Variants in GALNT13 observed in about 807,000 individuals in gnomAD.
GALNT13 encodes the protein polypeptide N-acetylgalactosaminyltransferase 13, also known as UDP-GalNAc:polypeptide N-acetylgalactosaminyltransferase 13.
GALNT13 carries 28 observed loss-of-function variants against 64.2 expected under a neutral mutation model. That is an observed-to-expected ratio of 0.44 (90% CI 0.32 to 0.60). GALNT13 has a LOEUF of 0.60. Ranked by LOEUF, GALNT13 falls within the 20% of genes least tolerant of loss-of-function variation. The pLI, the probability that GALNT13 is intolerant of heterozygous loss-of-function variation, is 0.05. For missense variants in GALNT13, 577 were observed against 669.8 expected (o/e 0.86, Z 1.53); for synonymous variants, 214 against 224.6 (o/e 0.95, Z 0.42).
chr2:154,214,900 C>T (rs1687963706), intron 4 of GALNT13, among the ~76,000 whole-genome samples: 1 of 152,078 alleles, frequency 6.6e-6, no homozygotes, highest in Non-Finnish European at 1.5e-5. Context: ...AGTCTGTTTC[C>T]CTAGCACAAT....
At chr2:154,424,997 T>TGCA (rs1331785032) in intron 11 of GALNT13, among the ~76,000 whole-genome samples, 1 of 152,214 alleles carries the variant, frequency 6.6e-6, no homozygotes, top group East Asian at 1.9e-4. Context: ...AGCATTGTGG[T>TGCA]AATAATTCCA....
the GALNT13 span, among the ~76,000 whole-genome samples, chr2:153,718,523 G>A: frequency 4.0e-5 from 6 of 151,894 alleles, no homozygotes; most frequent in African/African-American, 1.5e-4. Context: ...TCCCTATTCT[G>A]GAGTTTGAGG....
the GALNT13 span, among the ~76,000 whole-genome samples, chr2:153,575,059 C>T: frequency 6.6e-6 from 1 of 152,132 alleles, no homozygotes; most frequent in African/African-American, 2.4e-5. Context: ...GTGAACTAAG[C>T]TGTTTGTGCT....
the GALNT13 span, among the ~76,000 whole-genome samples, chr2:153,727,037 G>T: frequency 6.6e-6 from 1 of 151,254 alleles, no homozygotes; most frequent in African/African-American, 2.4e-5. Flanking sequence ...GGTCCAAACT[G>T]CTGATCTGAA....
At chr2:153,549,914 C>G in the GALNT13 span, among the ~76,000 whole-genome samples, 1 of 152,122 alleles carries the variant, frequency 6.6e-6, no homozygotes, top group Admixed American at 6.5e-5. Context: ...CATTTCCATC[C>G]TTGGTTTTTT....
intron 4 of GALNT13, among the ~76,000 whole-genome samples, chr2:154,150,912 T>C (rs1182597374): frequency 6.6e-6 from 1 of 152,166 alleles, no homozygotes; most frequent in Non-Finnish European, 1.5e-5. Context: ...TGAAGGGTTT[T>C]TTGTGTCTCT....
At chr2:153,503,933 T>C in the GALNT13 span, among the ~76,000 whole-genome samples, 3 of 152,116 alleles carry the variant, frequency 2.0e-5, no homozygotes, top group African/African-American at 4.8e-5. Flanking sequence ...AATGGTGGTA[T>C]ATTGATGGGA....
At chr2:153,676,911 C>T in the GALNT13 span, among the ~76,000 whole-genome samples, 3 of 152,012 alleles carry the variant, frequency 2.0e-5, no homozygotes, top group Non-Finnish European at 4.4e-5. Flanking sequence ...GAAAAAAACA[C>T]AGCTATAATC....
At chr2:153,535,131 T>C in the GALNT13 span, among the ~76,000 whole-genome samples, 3 of 151,178 alleles carry the variant, frequency 2.0e-5, no homozygotes, top group African/African-American at 4.9e-5. Context: ...TGAAGGGAGG[T>C]CTTGTGGTAA....
chr2:153,212,134 A>G, the GALNT13 span, among the ~76,000 whole-genome samples: 1 of 152,126 alleles, frequency 6.6e-6, no homozygotes, highest in African/African-American at 2.4e-5. Context: ...CCTCCCAAAT[A>G]TTTGAAAACT....
the GALNT13 span, among the ~76,000 whole-genome samples, chr2:153,838,704 C>T: frequency 6.6e-6 from 1 of 151,812 alleles, no homozygotes; most frequent in South Asian, 2.1e-4. Flanking sequence ...GTGATGCATC[C>T]AGTTTTGTTC....
chr2:154,158,310 GTC>G, intron 4 of GALNT13, among the ~76,000 whole-genome samples: 1 of 152,196 alleles, frequency 6.6e-6, no homozygotes, highest in East Asian at 1.9e-4. Context: ...AAACCAGGAA[GTC>G]TCATTGCACC....
the GALNT13 span, among the ~76,000 whole-genome samples, chr2:153,275,850 G>A: frequency 6.6e-6 from 1 of 152,032 alleles, no homozygotes; most frequent in South Asian, 2.1e-4. Context: ...AAAAAAAGTT[G>A]ATTGATCCTG....
chr2:153,517,120 G>A, the GALNT13 span, among the ~76,000 whole-genome samples: 2 of 152,122 alleles, frequency 1.3e-5, no homozygotes, highest in Non-Finnish European at 1.5e-5. Context: ...AGGGACTAGT[G>A]GTAGTAGGTG....
chr2:154,236,424 C>T (rs1409861766), intron 4 of GALNT13, among the ~76,000 whole-genome samples: 1 of 152,080 alleles, frequency 6.6e-6, no homozygotes, highest in Non-Finnish European at 1.5e-5. Flanking sequence ...GTGACAGAAG[C>T]TCTCACACCT....
Position 153,961,865 on chromosome 2 carries a change from A to G in GALNT13, c.142+17226A>G, listed in dbSNP as rs115549320. On this transcript the variant is annotated intron_variant, in intron 3 of 12. Coordinates refer to ENST00000392825, the MANE Select transcript of GALNT13 (RefSeq NM_052917.4). ...GTAATTAAAGGGCCATGTTGTACAG[A>G]GACAACTGGCTATAATAGAATTTTG... is the stretch of plus-strand genomic sequence containing the variant. 5.4e-3 allele frequency among the ~76,000 whole-genome samples: 821 copies of G among 152,312 alleles called. 5 individuals are homozygous for G. Among genetic ancestry groups the G allele is most frequent in the African/African-American group, 0.018 (754 of 41,580 alleles).
chr2:153,959,199 C>T (rs193163714), intron 3 of GALNT13, among the ~76,000 whole-genome samples: 4 of 152,330 alleles, frequency 2.6e-5, no homozygotes, highest in Non-Finnish European at 5.9e-5. Context: ...GCCAAAAATA[C>T]TAATGCTGAA....
chr2:153,557,747 G>A, the GALNT13 span, among the ~76,000 whole-genome samples: 54 of 152,206 alleles, frequency 3.5e-4, no homozygotes, highest in Non-Finnish European at 6.5e-4. Flanking sequence ...ACACCTTAAC[G>A]TGGCTACAGA....
chr2:153,100,233 T>C, the GALNT13 span, among the ~76,000 whole-genome samples: 1 of 152,206 alleles, frequency 6.6e-6, no homozygotes, highest in Non-Finnish European at 1.5e-5. Flanking sequence ...AGACTCTAAC[T>C]GCCATCTCCA....
Sources: allele counts gnomAD v4.1 joint callset (sites outside exome capture counted in the v4.1 genomes callset), GRCh38; gene constraint gnomAD v4.1.1; transcripts MANE v1.5; gene names NCBI Gene and HGNC (gene_info 2026-07-23, HGNC 2026-07-21).